The following IQCM variants were observed in gnomAD, a reference collection of about 807,000 sequenced individuals.
The protein encoded by IQCM is IQ motif containing M.
IQCM carries 45 observed loss-of-function variants against 57.6 expected under a neutral mutation model. The ratio of observed to expected loss-of-function variants is 0.78; its 90% CI spans 0.62 to 1.00. The LOEUF is 1.00. Ranked by LOEUF, IQCM falls within the 50% of genes least tolerant of loss-of-function variation. The pLI, the probability that IQCM is intolerant of heterozygous loss-of-function variation, is 0.00. For synonymous variants in IQCM, 148 were observed against 158.9 expected (o/e 0.93, Z 0.51); for missense variants, 468 against 511.6 (o/e 0.91, Z 0.82).
chr4:149,481,563 G>A (rs1030710878), intron 12 of IQCM, among the ~76,000 whole-genome samples: 1 of 151,834 alleles, frequency 6.6e-6, no homozygotes, highest in Non-Finnish European at 1.5e-5. Flanking sequence ...GTTCACTGTA[G>A]GTGTGTGGAT....
chr4:149,419,988 A>G (rs1734014567), intron 13 of IQCM, among the ~76,000 whole-genome samples: 1 of 152,164 alleles, frequency 6.6e-6, no homozygotes, highest in Non-Finnish European at 1.5e-5. Context: ...AAAGTCAAGA[A>G]TCAACAGATG....
intron 13 of IQCM, among the ~76,000 whole-genome samples, chr4:149,407,616 G>GT (rs761156326): frequency 1.3e-5 from 2 of 151,970 alleles, no homozygotes; most frequent in Non-Finnish European, 2.9e-5. Flanking sequence ...GTGGCCTCCA[G>GT]TTTCATCCAT....
intron 2 of IQCM, among the ~76,000 whole-genome samples, chr4:149,782,575 T>C (rs1477373311): frequency 3.5e-5 from 5 of 144,882 alleles, no homozygotes; most frequent in Non-Finnish European, 6.0e-5. Context: ...CACTCCAGTC[T>C]GGGTGTCAGA....
At chr4:149,733,849 A>G (rs1447927609) in intron 4 of IQCM, among the ~76,000 whole-genome samples, 5 of 152,178 alleles carry the variant, frequency 3.3e-5, no homozygotes, top group African/African-American at 1.2e-4. Flanking sequence ...AGTTTTTCAA[A>G]TAGACATGTA....
At chr4:149,599,710 G>T (rs1336261081) in intron 8 of IQCM, among the ~76,000 whole-genome samples, 1 of 152,142 alleles carries the variant, frequency 6.6e-6, no homozygotes, top group African/African-American at 2.4e-5. Context: ...AGGTTATGTG[G>T]ATCCAAATTT....
At chr4:149,466,140 C>A (rs1475463036) in intron 12 of IQCM, among the ~76,000 whole-genome samples, 1 of 152,168 alleles carries the variant, frequency 6.6e-6, no homozygotes, top group Admixed American at 6.5e-5. Flanking sequence ...GTGAACAATG[C>A]TGATAATATG....
intron 2 of IQCM, among the ~76,000 whole-genome samples, chr4:149,775,210 G>T (rs576783691): frequency 1.3e-5 from 2 of 151,958 alleles, no homozygotes; most frequent in African/African-American, 4.8e-5. Context: ...TCTTGAAAAT[G>T]ATTAAATACA....
chr4:149,470,874 T>G (rs1376939840), intron 12 of IQCM, among the ~76,000 whole-genome samples: 1 of 152,224 alleles, frequency 6.6e-6, no homozygotes, highest in Non-Finnish European at 1.5e-5. Context: ...GACTACTGGT[T>G]ACATAACGAA....
intron 13 of IQCM, among the ~76,000 whole-genome samples, chr4:149,379,425 T>A (rs1730925506): frequency 6.6e-6 from 1 of 152,194 alleles, no homozygotes; most frequent in Non-Finnish European, 1.5e-5. Flanking sequence ...GAAGTGGAGC[T>A]GCCCAAGACC....
At chr4:149,528,172 G>T (rs1746362945) in intron 12 of IQCM, among the ~76,000 whole-genome samples, 1 of 151,960 alleles carries the variant, frequency 6.6e-6, no homozygotes, top group African/African-American at 2.4e-5. Context: ...TTTTATTAGA[G>T]ATGGGGTTTC....
intron 8 of IQCM, among the ~76,000 whole-genome samples, chr4:149,615,996 T>C (rs988235459): frequency 6.6e-6 from 1 of 152,170 alleles, no homozygotes; most frequent in Non-Finnish European, 1.5e-5. Flanking sequence ...TGTGCATTGC[T>C]GGTGGGAAGG....
intron 10 of IQCM, among the ~76,000 whole-genome samples, chr4:149,557,747 C>A (rs181840785): frequency 6.6e-6 from 1 of 152,184 alleles, no homozygotes; most frequent in Non-Finnish European, 1.5e-5. Flanking sequence ...TCTCACTTAA[C>A]GCTAATCTTG....
At chr4:149,386,482 T>C (rs189394175) in intron 13 of IQCM, among the ~76,000 whole-genome samples, 19 of 152,212 alleles carry the variant, frequency 1.2e-4, no homozygotes, top group African/African-American at 4.3e-4. Flanking sequence ...TATTTAATTA[T>C]ACCTTTTAAA....
At chr4:149,449,576 T>C (rs1736883765) in intron 12 of IQCM, among the ~76,000 whole-genome samples, 2 of 150,642 alleles carry the variant, frequency 1.3e-5, no homozygotes, top group Admixed American at 6.7e-5. Context: ...CAGTGAACAA[T>C]CTGAAAAAGA....
chr4:149,673,036 G>T (rs902960731), intron 7 of IQCM, among the ~76,000 whole-genome samples: 3 of 152,038 alleles, frequency 2.0e-5, no homozygotes, highest in Non-Finnish European at 4.4e-5. Context: ...AGCTTCATAA[G>T]TAAAGGAGAA....
intron 12 of IQCM, among the ~76,000 whole-genome samples, chr4:149,525,116 T>C (rs1746030377): frequency 6.6e-6 from 1 of 151,826 alleles, no homozygotes; most frequent in Non-Finnish European, 1.5e-5. Flanking sequence ...TAAACTTTCC[T>C]CAACCCTAGG....
At chr4:149,415,319 T>A (rs1158994925) in intron 13 of IQCM, among the ~76,000 whole-genome samples, 1 of 152,306 alleles carries the variant, frequency 6.6e-6, no homozygotes, top group African/African-American at 2.4e-5. Flanking sequence ...GAACCTGCCA[T>A]CCACTGACTG....
intron 12 of IQCM, among the ~76,000 whole-genome samples, chr4:149,534,101 T>C (rs887294224): frequency 6.6e-6 from 1 of 152,168 alleles, no homozygotes; most frequent in Admixed American, 6.6e-5. Flanking sequence ...ATCTATTTCT[T>C]ACTTTAAAAA....
At chr4:149,422,493 C>T (rs1734186325) in intron 13 of IQCM, among the ~76,000 whole-genome samples, 1 of 151,936 alleles carries the variant, frequency 6.6e-6, no homozygotes, top group Non-Finnish European at 1.5e-5. Flanking sequence ...TTTTAAGCTT[C>T]AGGAAAACAA....
Sources: allele counts gnomAD v4.1 joint callset (sites outside exome capture counted in the v4.1 genomes callset), GRCh38; gene constraint gnomAD v4.1.1; transcripts MANE v1.5; gene names NCBI Gene and HGNC (gene_info 2026-07-23, HGNC 2026-07-21).